The following TGFBR1 variants were observed in gnomAD, a reference collection of about 807,000 sequenced individuals.
TGFBR1 encodes the protein TGF-beta receptor type-1.
In TGFBR1, 20 loss-of-function variants were observed where a neutral mutation model predicts 55.1. That is an observed-to-expected ratio of 0.36 (90% CI 0.26 to 0.53). The LOEUF (loss-of-function observed/expected upper bound fraction) is 0.53. TGFBR1 is among the 20% of genes least tolerant of loss of function. TGFBR1 has a pLI of 0.91. For missense variants in TGFBR1, 385 were observed against 617.6 expected, an observed-to-expected ratio of 0.62 and a Z score of 3.99; for synonymous variants, 220 against 214.8, an observed-to-expected ratio of 1.02 and a Z score of -0.21.
At chr9:99,108,711 G>A (rs1248840973) in intron 1 of TGFBR1, among the ~76,000 whole-genome samples, 2 of 152,162 alleles carry the variant, frequency 1.3e-5, no homozygotes, top group Non-Finnish European at 2.9e-5. Context: ...TGACTGACTG[G>A]CAAGTTACTC....
intron 4 of TGFBR1, among the ~76,000 whole-genome samples, chr9:99,141,703 T>C (rs1036739819): frequency 1.3e-5 from 2 of 152,238 alleles, no homozygotes; most frequent in Non-Finnish European, 2.9e-5. Flanking sequence ...CATGGCTTAA[T>C]TAAGCATGTG....
chr9:99,103,999 C>A (rs990142816), upstream of TGFBR1: 3 of 152,186 alleles, frequency 2.0e-5, no homozygotes, highest in Non-Finnish European at 4.4e-5. Context: ...GAAAAATATT[C>A]TCTGTTCTAC....
At chr9:99,127,382 C>T (rs1372310905) in intron 1 of TGFBR1, among the ~76,000 whole-genome samples, 3 of 152,168 alleles carry the variant, frequency 2.0e-5, no homozygotes, top group East Asian at 1.9e-4. Context: ...TTCTCCTACC[C>T]GGCCCCCCAG....
At chr9:99,130,761 C>CCT (rs1475920564) in intron 2 of TGFBR1, among the ~76,000 whole-genome samples, 1 of 152,160 alleles carries the variant, frequency 6.6e-6, no homozygotes, top group Non-Finnish European at 1.5e-5. Flanking sequence ...AGGTTTACCA[C>CCT]ATGATAGGGA....
rs199511541 is a variant in TGFBR1 at position 99,147,617 on chromosome 9, A to C, written c.1256-37A>C. 460 of 1,598,410 alleles carry C rather than the reference A, an allele frequency of 2.9e-4. 1 individual carries two copies. In the African/African-American group the frequency reaches 5.6e-3, roughly 19 times the overall value. On this transcript the variant is annotated intron_variant, in intron 7 of 8. Coordinates refer to ENST00000374994, the MANE Select transcript of TGFBR1 (RefSeq NM_004612.4). ...TTAATGCCTTGGCATTAGCTGAATA[A>C]ATTCATCAAAATTTAATTTTTTTTA... is the stretch of plus-strand genomic sequence containing the variant.
intron 4 of TGFBR1, among the ~76,000 whole-genome samples, chr9:99,141,460 C>G (rs1335570952): frequency 6.6e-6 from 1 of 152,128 alleles, no homozygotes; most frequent in Admixed American, 6.5e-5. Flanking sequence ...TGGTTTACAA[C>G]CAGCAGGGAA....
intron 1 of TGFBR1, among the ~76,000 whole-genome samples, chr9:99,126,589 A>C (rs150343160): frequency 2.0e-5 from 3 of 152,340 alleles, no homozygotes; most frequent in African/African-American, 4.8e-5. Flanking sequence ...TTTGTGGGTC[A>C]CAGACTCCAT....
At chr9:99,141,096 C>T (rs1167351753) in intron 4 of TGFBR1, among the ~76,000 whole-genome samples, 2 of 152,356 alleles carry the variant, frequency 1.3e-5, no homozygotes, top group South Asian at 2.1e-4. Flanking sequence ...AACCTTCCTT[C>T]TATCTTGTCC....
intron 8 of TGFBR1, among the ~76,000 whole-genome samples, chr9:99,148,537 C>T (rs915771223): frequency 2.0e-5 from 3 of 152,144 alleles, no homozygotes; most frequent in East Asian, 1.9e-4. Flanking sequence ...GTTGATTTTA[C>T]GTCTTAAACT....
upstream of TGFBR1, among the ~76,000 whole-genome samples, chr9:99,104,830 G>T (rs10819636): frequency 0.033 from 4,951 of 152,228 alleles, 615 homozygotes; most frequent in East Asian, 0.42. Context: ...CGGCTGAGCG[G>T]TGCTGGGGCT....
chr9:99,134,199 T>C (rs756361293), intron 3 of TGFBR1, among the ~76,000 whole-genome samples: 2 of 152,266 alleles, frequency 1.3e-5, no homozygotes, highest in South Asian at 2.1e-4. Context: ...TATCCATTCA[T>C]TTAAGAATGA....
rs200739404 is a variant in TGFBR1, at chr9:99,150,598, G to T, written c.*1293G>T. The T allele has an allele frequency of 1.2e-4, 25 of 215,590 alleles. No homozygotes were observed. The highest frequency in any genetic ancestry group is 5.2e-4 in the African/African-American group (23 of 44,554). The allele number at this position is 215,590 out of a possible 1,614,324, so 13.4% of individuals were successfully genotyped here. A position where few individuals can be genotyped will look rare whatever the true frequency, so the allele number is the denominator to read the frequency against. On this transcript the variant is annotated 3_prime_UTR_variant, in exon 9 of 9. Coordinates refer to ENST00000374994, the MANE Select transcript of TGFBR1 (RefSeq NM_004612.4). ...CTCTGTCTTTGTAACTGAGGTTAGA[G>T]CTAGTGTGGTTTTGAGGTCTCACTA... is the stretch of plus-strand genomic sequence containing the variant.
intron 1 of TGFBR1, chr9:99,127,812 T>C (rs1827082630): frequency 2.5e-6 from 1 of 404,362 alleles, no homozygotes; most frequent in Non-Finnish European, 5.0e-6. Context: ...GTCTGTGCTT[T>C]GCAATTTCAT....
Position 99,128,961 on chromosome 9 carries a change from C to T in TGFBR1, c.204C>T (p.Asn68=), listed in dbSNP as rs1057521532. 4 of 1,613,966 alleles carry T rather than the reference C, an allele frequency of 2.5e-6. No homozygotes were observed. The highest frequency in any genetic ancestry group is 2.2e-5 in the South Asian group (2 of 91,084). ...AGACCACAGACAAAGTTATACACAA[C>T]AGCATGTGTATAGCTGAAATTGACT... is the stretch of plus-strand genomic sequence containing the variant. ...VTETTDKVIH[N]SMCIAEIDLI... is the part of the protein sequence containing the mutation. Residue 68 remains asparagine (N), a synonymous_variant, in exon 2 of 9, where the codon AAC becomes AAT. Coordinates refer to ENST00000374994, the MANE Select transcript of TGFBR1 (RefSeq NM_004612.4).
chr9:99,126,676 G>A (rs1318618496), intron 1 of TGFBR1, among the ~76,000 whole-genome samples: 1 of 152,172 alleles, frequency 6.6e-6, no homozygotes, highest in African/African-American at 2.4e-5. Context: ...TGGGATTCAT[G>A]TACCTCTGAA....
chr9:99,144,852 T>C lies in TGFBR1; in HGVS notation c.1094T>C (p.Ile365Thr), dbSNP rs1588593222. ...AGACATGATTCAGCCACAGATACCA[T>C]TGATATTGCTCCAAACCACAGAGTG... is the stretch of plus-strand genomic sequence containing the variant. ...AVRHDSATDT[I>T]DIAPNHRVGT... Residue 365 changes from isoleucine to threonine, a missense_variant, in exon 6 of 9, where the codon ATT (isoleucine) becomes ACT (threonine). Physicochemically the swap from Ile to Thr is moderately conservative, Grantham distance 89 (BLOSUM62 -1). Coordinates refer to ENST00000374994, the MANE Select transcript of TGFBR1 (RefSeq NM_004612.4). The C allele has an allele frequency of 1.9e-6, 3 of 1,613,920 alleles. No homozygotes were observed. Among genetic ancestry groups the C allele is most frequent in the Non-Finnish European group, 2.5e-6 (3 of 1,179,946 alleles).
Position 99,132,688 on chromosome 9 carries a change from A to G in TGFBR1, c.523A>G (p.Thr175Ala). The G allele has an allele frequency of 1.2e-6, 2 of 1,614,162 alleles. No individual in the cohort carries two copies. The highest frequency in any genetic ancestry group is 2.2e-5 in the South Asian group (2 of 91,082). ...SLDRPFISEG[T>A]TLKDLIYDMT... Reference sequence around the variant, plus strand: ...AGATCGCCCTTTTATTTCAGAGGGTACTACGTTGAAAGACTTAATTTATGA... The same window carrying G: ...AGATCGCCCTTTTATTTCAGAGGGTGCTACGTTGAAAGACTTAATTTATGA... The change falls in exon 3 of 9, where the codon ACT (threonine) becomes GCT (alanine). Residue 175 changes from threonine to alanine, a missense_variant. By Grantham distance (58) the Thr-to-Ala change is moderately conservative. Coordinates refer to ENST00000374994, the MANE Select transcript of TGFBR1 (RefSeq NM_004612.4).
intron 1 of TGFBR1, among the ~76,000 whole-genome samples, chr9:99,107,214 C>A (rs1323420322): frequency 3.9e-5 from 6 of 152,214 alleles, no homozygotes. Context: ...TCTGCCTCCC[C>A]TGTTGGTTAT....
At chr9:99,109,462 T>G (rs1475599908) in intron 1 of TGFBR1, among the ~76,000 whole-genome samples, 1 of 152,204 alleles carries the variant, frequency 6.6e-6, no homozygotes, top group East Asian at 1.9e-4. Context: ...GGAGGGCCGC[T>G]CATGTAGGGA....
Sources: gnomAD v4.1 joint callset for allele counts (sites outside exome capture counted in the v4.1 genomes callset) on GRCh38, gnomAD v4.1.1 for gene constraint, MANE v1.5 for transcripts, NCBI Gene and HGNC (gene_info 2026-07-23, HGNC 2026-07-21) for gene names.